The following TANGO6 variants were observed in gnomAD, a reference collection of about 807,000 sequenced individuals.
The protein encoded by TANGO6 is transport and Golgi organization protein 6 homolog.
In TANGO6, 90 loss-of-function variants were observed where a neutral mutation model predicts 114.2. The ratio of observed to expected loss-of-function variants is 0.79; its 90% CI spans 0.66 to 0.94. TANGO6 has a LOEUF of 0.94. TANGO6 is among the 40% of genes least tolerant of loss of function. The pLI is 0.00. For synonymous variants in TANGO6, 477 were observed against 509.8 expected (o/e 0.94, Z 0.87); for missense variants, 1,274 against 1,315.3 (o/e 0.97, Z 0.49).
intron 10 of TANGO6, 90 bp downstream of exon 10, chr16:68,907,665 C>A: frequency 7.1e-7 from 1 of 1,409,128 alleles, no homozygotes; most frequent in Non-Finnish European, 9.4e-7. Context: ...AATTTTAGGT[C>A]CTAAAATGTA....
chr16:68,958,591 C>A (rs139438114), intron 14 of TANGO6, among the ~76,000 whole-genome samples: 192 of 151,528 alleles, frequency 1.3e-3, no homozygotes, highest in African/African-American at 4.4e-3. Flanking sequence ...AGAAAAAAAA[C>A]CTCTTTTAAT....
intron 15 of TANGO6, among the ~76,000 whole-genome samples, chr16:69,017,014 T>C (rs1184367298): frequency 6.6e-6 from 1 of 152,210 alleles, no homozygotes; most frequent in Non-Finnish European, 1.5e-5. Context: ...TGTAAGTTGC[T>C]TCAGATCCTG....
intron 17 of TANGO6, among the ~76,000 whole-genome samples, chr16:69,045,751 A>T (rs1052461988): frequency 1.5e-4 from 23 of 151,450 alleles, no homozygotes; most frequent in East Asian, 2.0e-4. Flanking sequence ...TCAAAAGAAA[A>T]ATAAACATAA....
At chr16:69,029,595 G>A (rs528176160) in intron 16 of TANGO6, among the ~76,000 whole-genome samples, 16 of 151,954 alleles carry the variant, frequency 1.1e-4, no homozygotes, top group African/African-American at 3.9e-4. Flanking sequence ...TAAGTGCTAT[G>A]GAAAAAAAGA....
At chr16:69,008,044 A>G (rs1964109656) in intron 15 of TANGO6, among the ~76,000 whole-genome samples, 1 of 152,198 alleles carries the variant, frequency 6.6e-6, no homozygotes, top group South Asian at 2.1e-4. Context: ...CAAGTCCCTT[A>G]CACTTATATG....
At chr16:69,043,869 CT>C (rs1225999850) in intron 17 of TANGO6, among the ~76,000 whole-genome samples, 2 of 152,130 alleles carry the variant, frequency 1.3e-5, no homozygotes, top group African/African-American at 4.8e-5. Context: ...TTCTCTGTTG[CT>C]TGTGGATGCG....
intron 15 of TANGO6, among the ~76,000 whole-genome samples, chr16:68,974,761 G>A (rs531872134): frequency 7.2e-5 from 11 of 152,166 alleles, no homozygotes; most frequent in African/African-American, 2.2e-4. Context: ...TCACACTTGA[G>A]CAGCAGCAAG....
intron 14 of TANGO6, among the ~76,000 whole-genome samples, chr16:68,955,869 G>A (rs1327478098): frequency 1.3e-5 from 2 of 152,086 alleles, no homozygotes; most frequent in Non-Finnish European, 2.9e-5. Flanking sequence ...TATTATATAA[G>A]CCAGGCATGG....
intron 3 of TANGO6, among the ~76,000 whole-genome samples, chr16:68,865,866 C>G (rs181865991): frequency 0.015 from 2,227 of 151,736 alleles, 50 homozygotes; most frequent in African/African-American, 0.051. Flanking sequence ...TGCAGCGAGC[C>G]GAGATCGTGC....
At chr16:69,043,120 G>A (rs926363215) in intron 17 of TANGO6, among the ~76,000 whole-genome samples, 2 of 152,126 alleles carry the variant, frequency 1.3e-5, no homozygotes, top group Admixed American at 6.6e-5. Flanking sequence ...CAGCTAGTCG[G>A]GAGGCTGAGG....
chr16:68,882,224 C>T (rs986916523), intron 7 of TANGO6, among the ~76,000 whole-genome samples: 8 of 151,894 alleles, frequency 5.3e-5, no homozygotes, highest in Non-Finnish European at 8.8e-5. Flanking sequence ...AGGCCGGGCA[C>T]GGTGGCTCAC....
chr16:68,876,711 C>T (rs187597703), intron 5 of TANGO6, among the ~76,000 whole-genome samples: 130 of 152,168 alleles, frequency 8.5e-4, no homozygotes, highest in African/African-American at 3.0e-3. Context: ...GTCCTAGCTA[C>T]TCAGGAAGCT....
intron 1 of TANGO6, 32 bp downstream of exon 1, chr16:68,843,743 C>G (rs1596983401): frequency 6.2e-7 from 1 of 1,608,134 alleles, no homozygotes; most frequent in Non-Finnish European, 8.5e-7. Flanking sequence ...CCGGGCTGGA[C>G]CCGGGACTCT....
chr16:69,026,361 C>A (rs1959502538), intron 16 of TANGO6: 1 of 154,348 alleles, frequency 6.5e-6, no homozygotes, highest in Non-Finnish European at 1.4e-5. Flanking sequence ...ACGCTATAAT[C>A]TTTCTCTCTG....
intron 7 of TANGO6, among the ~76,000 whole-genome samples, chr16:68,895,984 T>C (rs993657364): frequency 6.6e-6 from 1 of 151,090 alleles, no homozygotes; most frequent in Non-Finnish European, 1.5e-5. Context: ...TGTCTCACTC[T>C]GTCACCCAGG....
chr16:69,038,156 C>T (rs937258708), intron 16 of TANGO6, among the ~76,000 whole-genome samples: 4 of 152,228 alleles, frequency 2.6e-5, no homozygotes, highest in East Asian at 1.9e-4. Flanking sequence ...AGGCCAGGTG[C>T]GGTGGCTCAT....
At chr16:68,905,885 GAACAA>G (rs1962843554) in intron 9 of TANGO6, among the ~76,000 whole-genome samples, 1 of 151,712 alleles carries the variant, frequency 6.6e-6, no homozygotes, top group African/African-American at 2.4e-5. Flanking sequence ...AATTAAAAAA[GAACAA>G]AACAAAAAAT....
chr16:68,990,724 T>C (rs1963939454), intron 15 of TANGO6, among the ~76,000 whole-genome samples: 2 of 152,316 alleles, frequency 1.3e-5, no homozygotes, highest in East Asian at 1.9e-4. Context: ...TCATTCATCA[T>C]TGAACTCAGA....
chr16:68,876,522 C>G (rs1282645053), intron 5 of TANGO6, among the ~76,000 whole-genome samples: 2 of 151,712 alleles, frequency 1.3e-5, no homozygotes, highest in African/African-American at 2.4e-5. Context: ...TGCTTTTTTT[C>G]ATTGATAGTG....
Sources: gnomAD v4.1 joint callset for allele counts (sites outside exome capture counted in the v4.1 genomes callset) on GRCh38, gnomAD v4.1.1 for gene constraint, MANE v1.5 for transcripts, NCBI Gene and HGNC (gene_info 2026-07-23, HGNC 2026-07-21) for gene names.